The following ATXN7L3 variants were observed in gnomAD, a reference collection of about 807,000 sequenced individuals.
ATXN7L3 encodes ataxin-7-like protein 3.
In ATXN7L3, 6 loss-of-function variants were observed where a neutral mutation model predicts 50.0. The ratio of observed to expected loss-of-function variants is 0.12; its 90% CI spans 0.07 to 0.24. The LOEUF (loss-of-function observed/expected upper bound fraction) is 0.24, where lower values mean the gene tolerates loss of function less well. ATXN7L3 is among the 10% of genes least tolerant of loss of function. The pLI, the probability that ATXN7L3 is intolerant of heterozygous loss-of-function variation, is 1.00. For missense variants in ATXN7L3, 322 were observed against 451.3 expected, an observed-to-expected ratio of 0.71 and a Z score of 2.60; for synonymous variants, 198 against 165.8, an observed-to-expected ratio of 1.19 and a Z score of -1.49.
chr17:44,194,488 A>T (rs372937094), intron 12 of ATXN7L3, 29 bp downstream of exon 12: 6 of 1,613,020 alleles, frequency 3.7e-6, no homozygotes, highest in Non-Finnish European at 5.1e-6. Context: ...TTGGGCACAG[A>T]GCCCCTAGGG....
In ATXN7L3 at chr17:44,196,898, G is replaced by GC. The variant is rs781016294; in HGVS notation, c.454+30dup. 5.9e-6 allele frequency: 9 copies of GC among 1,536,956 alleles called. No homozygotes were observed. The East Asian group carries it at 1.8e-4, about 31-fold the overall frequency. On this transcript the variant is annotated intron_variant, in intron 5 of 12. Coordinates refer to ENST00000587097, the MANE Select transcript of ATXN7L3 (RefSeq NM_001382309.1). Reference sequence around the variant, plus strand: ...TTCCTGCTTCCCACCTCATCCCAATGCCCCCCGGGTTTCCCCAGATCCCCA... The same window carrying GC: ...TTCCTGCTTCCCACCTCATCCCAATGCCCCCCCGGGTTTCCCCAGATCCCCA...
chr17:44,195,779 T>C (rs755103042), intron 8 of ATXN7L3, 21 bp downstream of exon 8: 5 of 1,592,942 alleles, frequency 3.1e-6, no homozygotes, highest in Non-Finnish European at 4.3e-6. Flanking sequence ...AGAGCAAGCA[T>C]GAGGGGCGGC....
At chr17:44,195,519 T>C in intron 8 of ATXN7L3, 32 bp from the exon 9 acceptor site, 1 of 1,592,000 alleles carries the variant, frequency 6.3e-7, no homozygotes, top group Non-Finnish European at 8.6e-7. Flanking sequence ...AGGTTAGAGA[T>C]GGGGCAGAGA....
At position 44,199,722 on chromosome 17, in the gene ATXN7L3, T is replaced by G. The variant is rs1436855051; in HGVS notation, c.-287A>C. On this transcript the variant is annotated 5_prime_UTR_variant, in exon 1 of 13. Coordinates refer to ENST00000587097, the MANE Select transcript of ATXN7L3 (RefSeq NM_001382309.1). ...TTCTTGTCCCGTCGCCGCCTCCTCC[T>G]CCTCACCTCACCCCGCCCGCGCGCA... The G allele has an allele frequency of 8.1e-6, 1 of 122,866 alleles. No homozygotes were observed. The highest frequency in any genetic ancestry group is 1.7e-5 in the Non-Finnish European group (1 of 58,306). 7.6% of individuals were successfully genotyped at this position (122,866 alleles called of 1,614,324 possible).
At position 44,195,465 on chromosome 17, in the gene ATXN7L3, C is replaced by G; in HGVS notation, c.575G>C (p.Ser192Thr). 6.2e-7 allele frequency: 1 copy of G among 1,614,130 alleles called. No individual in the cohort carries two copies. The highest frequency in any genetic ancestry group is 8.5e-7 in the Non-Finnish European group (1 of 1,179,998). The change falls in exon 9 of 13, where the codon AGC (serine) becomes ACC (threonine). Residue 192 changes from serine to threonine, a missense_variant. Transcript: ENST00000587097. ...CTCCTCCGGCCCCAGGGTCTCATAGCTGATCCCAGTTGAATTGTTATACTG... is the reference window on the plus strand; with the variant it reads ...CTCCTCCGGCCCCAGGGTCTCATAGGTGATCCCAGTTGAATTGTTATACTG... ...PFKYNNSTGI[S>T]YETLGPEELR...
In ATXN7L3 at chr17:44,195,147, G is replaced by C. The variant is rs1239876954; in HGVS notation, c.622-7C>G. 2 of 1,613,702 alleles carry C rather than the reference G, an allele frequency of 1.2e-6. No homozygotes were observed. Among genetic ancestry groups the C allele is most frequent in the African/African-American group, 2.7e-5 (2 of 74,910 alleles). On this transcript the variant is annotated splice_polypyrimidine_tract_variant and splice_region_variant and intron_variant, in intron 9 of 12. Transcript: ENST00000587097. ...CAGAAATCACCCCACATTGCTGGAAGAGGAATATAAGCTGAAAGGAGGGAT... is the reference window on the plus strand; with the variant it reads ...CAGAAATCACCCCACATTGCTGGAACAGGAATATAAGCTGAAAGGAGGGAT...
At chr17:44,198,415 T>G in intron 1 of ATXN7L3, 1 of 283,004 alleles carries the variant, frequency 3.5e-6, no homozygotes, top group South Asian at 7.4e-5. Flanking sequence ...AACCCCTCTT[T>G]GATACCCATG....
In ATXN7L3 at chr17:44,195,975, C is replaced by G. The variant is rs1020882098; in HGVS notation, c.523+59G>C. The G allele has an allele frequency of 5.1e-6, 8 of 1,577,354 alleles. No individual in the cohort carries two copies. The Admixed American group carries it at 1.0e-4, about 20-fold the overall frequency. On this transcript the variant is annotated intron_variant, in intron 7 of 12. Transcript: ENST00000587097. Reference sequence around the variant, plus strand: ...ATCCCCGGGCCCCACCTCCACCCCCCGGCAATGAGTCCCAGAAGACACAGC... The same window carrying G: ...ATCCCCGGGCCCCACCTCCACCCCCGGGCAATGAGTCCCAGAAGACACAGC...
At chr17:44,195,627 C>T (rs2055857410) in intron 8 of ATXN7L3, 140 bp from the exon 9 acceptor site, 2 of 1,201,396 alleles carry the variant, frequency 1.7e-6, no homozygotes, top group South Asian at 2.5e-5. Flanking sequence ...TGATTTCTCT[C>T]ATCCCATCTG....
chr17:44,196,269 C>T lies in ATXN7L3; in HGVS notation c.477+127G>A, dbSNP rs564236112. 1.6e-4 allele frequency: 194 copies of T among 1,217,070 alleles called. 1 individual carries two copies. In the African/African-American group the frequency reaches 2.7e-3, roughly 17 times the overall value. The allele number at this position is 1,217,070 out of a possible 1,614,324, so 75.4% of individuals were successfully genotyped here. ...CACCCACACTCCCCCGCCCCGGACC[C>T]ACCAAAGACACCCTCAAGCCCCCAA... On this transcript the variant is annotated intron_variant, in intron 6 of 12. Transcript: ENST00000587097.
rs73316167 is a variant in ATXN7L3 at position 44,195,422 on chromosome 17, G to A, written c.618C>T (p.Thr206=). 4,827 of 1,613,834 alleles carry A rather than the reference G, an allele frequency of 3.0e-3. 98 individuals carry two copies. The African/African-American group carries it at 0.053, about 18-fold the overall frequency. The change falls in exon 9 of 13, where the codon ACC becomes ACT. Residue 206 remains threonine (T), a synonymous_variant. Coordinates refer to ENST00000587097, the MANE Select transcript of ATXN7L3 (RefSeq NM_001382309.1). ...TCTCTTGCTGGTCCTCCCTCACCGT[G>A]GTTAGCAGGCTGCGAAGCTCCTCCG... ...LGPEELRSLL[T]TQCGVISEHT...
chr17:44,194,943 G>C (rs548078693), intron 10 of ATXN7L3, 104 bp from the exon 11 acceptor site: 1 of 1,479,416 alleles, frequency 6.8e-7, no homozygotes, highest in African/African-American at 1.4e-5. Context: ...GGTGAATGCA[G>C]ATTCATCCCC....
chr17:44,195,048 G>A, intron 10 of ATXN7L3, 49 bp downstream of exon 10: 1 of 1,600,602 alleles, frequency 6.2e-7, no homozygotes, highest in Non-Finnish European at 8.6e-7. Flanking sequence ...CCATGCCCAT[G>A]GTGAGTGTGC....
At chr17:44,195,222 G>C (rs1437887030) in intron 9 of ATXN7L3, 82 bp from the exon 10 acceptor site, 18 of 1,500,810 alleles carry the variant, frequency 1.2e-5, no homozygotes, top group South Asian at 3.4e-5. Flanking sequence ...ATAAATGCTA[G>C]ATAGCACAAG....
intron 1 of ATXN7L3, chr17:44,198,492 A>G: frequency 5.5e-6 from 1 of 180,262 alleles, no homozygotes; most frequent in South Asian, 1.3e-4. Context: ...GGTGTGGCAA[A>G]GAACTGCACA....
At position 44,195,284 on chromosome 17, in the gene ATXN7L3, C is replaced by A. The variant is rs140688405; in HGVS notation, c.621+135G>T. On this transcript the variant is annotated intron_variant, in intron 9 of 12. Transcript: ENST00000587097. The stretch of plus-strand genomic sequence containing the variant: ...CAGATGGTCCCAGGACACTATGGGC[C>A]GGGAAACCTAATTCCAGACAGAGAG... 35 of 1,348,426 alleles carry A rather than the reference C, an allele frequency of 2.6e-5. 1 individual carries two copies. The African/African-American group carries it at 4.5e-4, about 17-fold the overall frequency. The allele number at this position is 1,348,426 out of a possible 1,614,324, so 83.5% of individuals were successfully genotyped here. A position where few individuals can be genotyped will look rare whatever the true frequency, so the allele number is the denominator to read the frequency against.
chr17:44,198,104 C>A lies in ATXN7L3; in HGVS notation c.-34G>T, dbSNP rs1435383318. On this transcript the variant is annotated 5_prime_UTR_variant, in exon 2 of 13. Transcript: ENST00000587097. ...TCTTGTGGAGACGGCGCTCTGACTGCTCATAGCACAGCGGGCGGCAACACG... is the reference window on the plus strand; with the variant it reads ...TCTTGTGGAGACGGCGCTCTGACTGATCATAGCACAGCGGGCGGCAACACG... 6.2e-7 allele frequency: 1 copy of A among 1,607,810 alleles called. No homozygotes were observed. Among genetic ancestry groups the A allele is most frequent in the Non-Finnish European group, 8.5e-7 (1 of 1,175,084 alleles).
chr17:44,197,187 TGGCACA>T (rs1259840435), intron 4 of ATXN7L3, 35 bp downstream of exon 4: 7 of 1,574,342 alleles, frequency 4.4e-6, no homozygotes, highest in Admixed American at 1.7e-5. Flanking sequence ...GACTACACCA[TGGCACA>T]GGCTGCAGAG....
In ATXN7L3 at chr17:44,194,012, C is replaced by T. The variant is rs999401016; in HGVS notation, c.*251G>A. 1.6e-5 allele frequency: 8 copies of T among 495,122 alleles called. No individual in the cohort carries two copies. Among genetic ancestry groups the T allele is most frequent in the Middle Eastern group, 5.3e-4 (1 of 1,874 alleles). The allele number at this position is 495,122 out of a possible 1,614,324, so 30.7% of individuals were successfully genotyped here. On this transcript the variant is annotated 3_prime_UTR_variant, in exon 13 of 13. Transcript: ENST00000587097. Reference sequence around the variant, plus strand: ...TAACTCACAGAATAAATAGGAAAACCGCCTCCCCACCAAACTTATGTCCAA... The same window carrying T: ...TAACTCACAGAATAAATAGGAAAACTGCCTCCCCACCAAACTTATGTCCAA...
Sources: allele counts gnomAD v4.1 joint callset, GRCh38; gene constraint gnomAD v4.1.1; transcripts MANE v1.5; gene names NCBI Gene and HGNC (gene_info 2026-07-23, HGNC 2026-07-21).